The following DDX60L variants were observed in gnomAD, a reference collection of about 807,000 sequenced individuals.
The protein encoded by DDX60L is probable ATP-dependent RNA helicase DDX60-like.
DDX60L carries 191 observed loss-of-function variants against 211.6 expected under a neutral mutation model. That is an observed-to-expected ratio of 0.90 (90% CI 0.80 to 1.02). The LOEUF is 1.02. Among genes scored for constraint, DDX60L ranks in the 50% least tolerant of loss-of-function variants. DDX60L has a pLI of 0.00. For missense variants in DDX60L, 2,007 were observed against 1,984.1 expected, an observed-to-expected ratio of 1.01 and a Z score of -0.22; for synonymous variants, 706 against 694.1, an observed-to-expected ratio of 1.02 and a Z score of -0.27.
At chr4:168,379,587 T>C (rs1420092972) in intron 31 of DDX60L, 83 bp from the exon 32 acceptor site, 1 of 1,187,176 alleles carries the variant, frequency 8.4e-7, no homozygotes, top group Non-Finnish European at 1.2e-6. Context: ...CTGACAAATA[T>C]TACCTGACTT....
At chr4:168,385,029 T>C (rs1427225520) in intron 29 of DDX60L, among the ~76,000 whole-genome samples, 1 of 152,222 alleles carries the variant, frequency 6.6e-6, no homozygotes, top group Non-Finnish European at 1.5e-5. Context: ...TTGGCCCCAG[T>C]TGCTGGCATA....
chr4:168,405,600 C>A (rs1561001658), intron 24 of DDX60L, among the ~76,000 whole-genome samples: 1 of 152,136 alleles, frequency 6.6e-6, no homozygotes, highest in East Asian at 1.9e-4. Flanking sequence ...TGTACTAATT[C>A]CTGATCTCCA....
At chr4:168,468,885 T>C (rs1035462024) in intron 4 of DDX60L, 2 of 152,142 alleles carry the variant, frequency 1.3e-5, no homozygotes, top group African/African-American at 4.8e-5. Flanking sequence ...AAACATGAAA[T>C]ATCTTGAAAT....
chr4:168,459,790 A>G (rs552620862), intron 5 of DDX60L, among the ~76,000 whole-genome samples: 9 of 119,268 alleles, frequency 7.5e-5, no homozygotes, highest in Non-Finnish European at 1.5e-4. Context: ...GAAGGAAGGA[A>G]GGAAGGAAGG....
At chr4:168,410,083 T>C (rs907486691) in intron 22 of DDX60L, among the ~76,000 whole-genome samples, 32 of 151,992 alleles carry the variant, frequency 2.1e-4, no homozygotes, top group African/African-American at 7.5e-4. Context: ...AATCCAGGGG[T>C]GAAAAAGTGC....
intron 9 of DDX60L, among the ~76,000 whole-genome samples, chr4:168,443,830 G>A (rs975070522): frequency 1.3e-5 from 2 of 151,116 alleles, no homozygotes; most frequent in Non-Finnish European, 2.9e-5. Context: ...CAAATGCTGA[G>A]AGATTTTGTC....
intron 17 of DDX60L, among the ~76,000 whole-genome samples, chr4:168,421,518 G>A (rs1288161352): frequency 1.3e-5 from 2 of 152,122 alleles, no homozygotes; most frequent in African/African-American, 2.4e-5. Context: ...AGCCCAGCAT[G>A]GCAGCACGTG....
At chr4:168,457,498 T>C (rs891822624) in intron 6 of DDX60L, among the ~76,000 whole-genome samples, 1 of 151,612 alleles carries the variant, frequency 6.6e-6, no homozygotes, top group African/African-American at 2.4e-5. Flanking sequence ...AATAGTAGTA[T>C]AAAGCATAGC....
rs748489408 is a variant in DDX60L at position 168,378,380 on chromosome 4, C to T, written c.4459G>A (p.Ala1487Thr). 1.6e-5 allele frequency: 24 copies of T among 1,472,140 alleles called. No individual in the cohort carries two copies. The highest frequency in any genetic ancestry group is 2.2e-5 in the Non-Finnish European group (24 of 1,074,102). The allele number at this position is 1,472,140 out of a possible 1,614,324, so 91.2% of individuals were successfully genotyped here. The change falls in exon 33 of 38, where the codon GCT becomes ACT. Residue 1487 changes from alanine to threonine, a missense_variant. Physicochemically the swap from Ala to Thr is moderately conservative, Grantham distance 58. Coordinates refer to ENST00000682922, the MANE Select transcript of DDX60L (RefSeq NM_001012967.3). The part of the protein sequence containing the change: ...RKYIPAKFQN[A>T]NLSFSQSKVI... ...TTTGACTGAGAAAAACTTAAATTAG[C>T]ATTTTGGAATTTTGCTGGAATATAT...
chr4:168,399,321 T>C (rs1746382783), intron 26 of DDX60L, among the ~76,000 whole-genome samples: 2 of 152,152 alleles, frequency 1.3e-5, no homozygotes, highest in African/African-American at 2.4e-5. Context: ...TGATAACTTC[T>C]TTGGGGCTCT....
chr4:168,463,510 G>A (rs989365708), intron 4 of DDX60L, among the ~76,000 whole-genome samples: 4 of 152,112 alleles, frequency 2.6e-5, no homozygotes, highest in Admixed American at 1.3e-4. Context: ...TAATACCTGG[G>A]TGAAGAAATA....
At chr4:168,363,474 A>G (rs1188336271) in intron 36 of DDX60L, among the ~76,000 whole-genome samples, 1 of 152,254 alleles carries the variant, frequency 6.6e-6, no homozygotes, top group Non-Finnish European at 1.5e-5. Context: ...GCTTTAAGTC[A>G]AAATGGTCAA....
chr4:168,429,889 T>C (rs563683974), intron 13 of DDX60L, among the ~76,000 whole-genome samples: 8 of 152,280 alleles, frequency 5.3e-5, no homozygotes, highest in Admixed American at 5.2e-4. Flanking sequence ...CCCCTTTGTC[T>C]TCTATCATGA....
intron 36 of DDX60L, among the ~76,000 whole-genome samples, chr4:168,370,796 T>C (rs1489419844): frequency 6.6e-6 from 1 of 151,828 alleles, no homozygotes; most frequent in African/African-American, 2.4e-5. Flanking sequence ...AAAATGTATG[T>C]AAAATACATA....
At position 168,461,687 on chromosome 4, in the gene DDX60L, A is replaced by G; in HGVS notation, c.606+12T>C. The G allele has an allele frequency of 1.3e-6, 2 of 1,484,506 alleles. No homozygotes were observed. The highest frequency in any genetic ancestry group is 2.3e-5 in the East Asian group (1 of 43,136). The allele number at this position is 1,484,506 out of a possible 1,614,324, so 92.0% of individuals were successfully genotyped here. ...GAAATCAGGAAAAAAATGAGTTATT[A>G]ATGTCAATTACCTCCTTGGAAAAAG... On this transcript the variant is annotated intron_variant, in intron 5 of 37. Coordinates refer to ENST00000682922, the MANE Select transcript of DDX60L (RefSeq NM_001012967.3).
intron 4 of DDX60L, among the ~76,000 whole-genome samples, chr4:168,468,119 A>G (rs1390728570): frequency 6.6e-6 from 1 of 152,156 alleles, no homozygotes; most frequent in African/African-American, 2.4e-5. Flanking sequence ...GTGAGCCGAG[A>G]CCATGCCTTT....
At chr4:168,462,415 G>GT (rs964044719) in intron 4 of DDX60L, among the ~76,000 whole-genome samples, 3 of 151,794 alleles carry the variant, frequency 2.0e-5, no homozygotes, top group Admixed American at 6.6e-5. Flanking sequence ...CCTAAATAAT[G>GT]TAAGTCTTTT....
At chr4:168,403,684 A>C (rs1747227999) in intron 25 of DDX60L, among the ~76,000 whole-genome samples, 1 of 152,220 alleles carries the variant, frequency 6.6e-6, no homozygotes. Context: ...CTAAAGGAAC[A>C]TTTCTAAAGT....
chr4:168,467,953 G>A (rs1758237291), intron 4 of DDX60L, among the ~76,000 whole-genome samples: 1 of 152,098 alleles, frequency 6.6e-6, no homozygotes, highest in African/African-American at 2.4e-5. Flanking sequence ...GATCACCTGA[G>A]GTCCAGAGTT....
Sources: allele counts gnomAD v4.1 joint callset (sites outside exome capture counted in the v4.1 genomes callset), GRCh38; gene constraint gnomAD v4.1.1; transcripts MANE v1.5; gene names NCBI Gene and HGNC (gene_info 2026-07-23, HGNC 2026-07-21).